CHCHD3: variants seen among roughly 807,000 people sequenced by gnomAD.
CHCHD3 encodes coiled-coil-helix-coiled-coil-helix domain containing 3, also known as MICOS complex subunit MIC19.
A neutral mutation model predicts 38.2 loss-of-function variants in CHCHD3; 20 were observed. The observed-to-expected ratio is 0.52, with a 90% CI of 0.37 to 0.76. The LOEUF is 0.76. Ranked by LOEUF, CHCHD3 falls within the 30% of genes least tolerant of loss-of-function variation. The pLI, the probability that CHCHD3 is intolerant of heterozygous loss-of-function variation, is 0.00. For synonymous variants in CHCHD3, 82 were observed against 100.0 expected (o/e 0.82, Z 1.07); for missense variants, 245 against 279.2 (o/e 0.88, Z 0.87).
intron 7 of CHCHD3, among the ~76,000 whole-genome samples, chr7:132,792,624 C>T (rs1216510550): frequency 7.2e-5 from 11 of 152,130 alleles, no homozygotes; most frequent in African/African-American, 2.2e-4. Context: ...CATCTGAGTG[C>T]GCCTATGAAC....
chr7:133,070,100 A>G, intron 2 of CHCHD3, 42 bp downstream of exon 2: 1 of 1,478,184 alleles, frequency 6.8e-7, no homozygotes, highest in Non-Finnish European at 9.3e-7. Flanking sequence ...TTCCACTTAT[A>G]ATTTATCTCC....
intron 5 of CHCHD3, among the ~76,000 whole-genome samples, chr7:132,865,323 G>C (rs1808591673): frequency 6.6e-6 from 1 of 152,168 alleles, no homozygotes; most frequent in Admixed American, 6.5e-5. Flanking sequence ...TTTAATCATG[G>C]GGAAGAGGTT....
intron 3 of CHCHD3, among the ~76,000 whole-genome samples, chr7:132,984,000 CGG>C (rs1447047001): frequency 5.6e-4 from 84 of 150,402 alleles, no homozygotes; most frequent in African/African-American, 2.1e-3. Context: ...CCTCTCCCCA[CGG>C]TCTCCCTCTC....
chr7:132,874,265 A>G (rs1308437920), intron 5 of CHCHD3, among the ~76,000 whole-genome samples: 1 of 152,184 alleles, frequency 6.6e-6, no homozygotes, highest in East Asian at 1.9e-4. Context: ...ACGTTTTACG[A>G]AGACAAATTA....
chr7:132,973,701 T>C, intron 4 of CHCHD3: 1 of 1,020,482 alleles, frequency 9.8e-7, no homozygotes, highest in Non-Finnish European at 1.2e-6. Flanking sequence ...ATGGACTTCC[T>C]TTCATGTTCT....
At chr7:133,051,742 A>T (rs1219088526) in intron 2 of CHCHD3, among the ~76,000 whole-genome samples, 1 of 152,246 alleles carries the variant, frequency 6.6e-6, no homozygotes, top group African/African-American at 2.4e-5. Flanking sequence ...ATGTTCACAG[A>T]CATATACAAA....
At chr7:133,046,853 G>A (rs904107656) in intron 2 of CHCHD3, among the ~76,000 whole-genome samples, 13 of 152,108 alleles carry the variant, frequency 8.5e-5, no homozygotes, top group Non-Finnish European at 1.5e-4. Context: ...GTGAGCCACC[G>A]CACCCGGCCA....
intron 4 of CHCHD3, among the ~76,000 whole-genome samples, chr7:132,912,699 C>T (rs570848875): frequency 1.8e-4 from 28 of 152,250 alleles, no homozygotes; most frequent in Middle Eastern, 3.4e-3. Context: ...GGACTACAGG[C>T]GTGCGCCACC....
At chr7:132,920,301 G>C (rs370445391) in intron 4 of CHCHD3, among the ~76,000 whole-genome samples, 7 of 152,298 alleles carry the variant, frequency 4.6e-5, no homozygotes, top group Admixed American at 3.9e-4. Context: ...GGCAGGCAAA[G>C]CCTAAAATAT....
chr7:132,810,390 T>G (rs1384443909), intron 6 of CHCHD3, among the ~76,000 whole-genome samples: 3 of 152,218 alleles, frequency 2.0e-5, no homozygotes, highest in Non-Finnish European at 4.4e-5. Flanking sequence ...CTTTTTGTTC[T>G]GATTAAATAT....
intron 4 of CHCHD3, among the ~76,000 whole-genome samples, chr7:132,954,948 T>C (rs1169671225): frequency 6.6e-6 from 1 of 152,108 alleles, no homozygotes; most frequent in Non-Finnish European, 1.5e-5. Flanking sequence ...ATGGAGGCCA[T>C]ACCATGTACC....
At chr7:132,859,553 G>T (rs1808430592) in intron 5 of CHCHD3, among the ~76,000 whole-genome samples, 1 of 152,202 alleles carries the variant, frequency 6.6e-6, no homozygotes, top group South Asian at 2.1e-4. Context: ...ACAAGATCCA[G>T]AATTAAATTT....
chr7:132,838,447 G>T lies in CHCHD3; in HGVS notation c.476C>A (p.Thr159Asn), dbSNP rs766028406. Residue 159 changes from threonine (T) to asparagine (N), a missense_variant, in exon 6 of 8, where the codon ACC (threonine) becomes AAC (asparagine). Physicochemically the swap from Thr to Asn is moderately conservative, Grantham distance 65. Transcript: ENST00000262570. The part of the protein sequence containing the change: ...EERSSEFYRV[T>N]TEQYQKAAEE... ...AGCAGCTTTCTGATATTGTTCAGTG[G>T]TGACTCTGTAGAACTCTGAGCTCTG... 2.5e-6 allele frequency: 4 copies of T among 1,612,652 alleles called. No homozygotes were observed. The highest frequency in any genetic ancestry group is 1.7e-6 in the Non-Finnish European group (2 of 1,179,060).
chr7:132,988,521 T>A (rs1302169564), intron 3 of CHCHD3, among the ~76,000 whole-genome samples: 2 of 152,142 alleles, frequency 1.3e-5, no homozygotes, highest in Non-Finnish European at 2.9e-5. Flanking sequence ...TATTTAGCAA[T>A]ATATATTTTA....
chr7:132,869,748 A>C (rs1403636641), intron 5 of CHCHD3, among the ~76,000 whole-genome samples: 1 of 151,748 alleles, frequency 6.6e-6, no homozygotes, highest in Non-Finnish European at 1.5e-5. Context: ...CATGCTTGGC[A>C]ATTTTTTTTA....
intron 6 of CHCHD3, 52 bp downstream of exon 6, chr7:132,838,347 G>T: frequency 8.2e-7 from 1 of 1,220,064 alleles, no homozygotes; most frequent in Non-Finnish European, 1.2e-6. Flanking sequence ...CTAAAACTGT[G>T]CTTTCATCTT....
chr7:132,836,677 G>C (rs1459771811), intron 6 of CHCHD3, among the ~76,000 whole-genome samples: 1 of 151,792 alleles, frequency 6.6e-6, no homozygotes. Flanking sequence ...GTCTCACTAT[G>C]TTGACCAGGC....
chr7:133,024,536 C>T lies in CHCHD3; in HGVS notation c.251+10G>A, dbSNP rs756325382. 1 of 1,606,326 alleles carries T rather than the reference C, an allele frequency of 6.2e-7. No homozygotes were observed. The highest frequency in any genetic ancestry group is 8.5e-7 in the Non-Finnish European group (1 of 1,173,378). ...CCACCAAAACCTCTCTCTGATACCA[C>T]AAAACTCACCGTTTCTGATCTTCGG... On this transcript the variant is annotated intron_variant, in intron 3 of 7. Transcript: ENST00000262570.
intron 2 of CHCHD3, among the ~76,000 whole-genome samples, chr7:133,057,291 A>G (rs1053515148): frequency 9.2e-5 from 14 of 152,244 alleles, no homozygotes; most frequent in African/African-American, 3.1e-4. Context: ...GCCAGGCTCA[A>G]TGGCTCATGC....
Sources: gnomAD v4.1 joint callset for allele counts (sites outside exome capture counted in the v4.1 genomes callset) on GRCh38, gnomAD v4.1.1 for gene constraint, MANE v1.5 for transcripts, NCBI Gene and HGNC (gene_info 2026-07-23, HGNC 2026-07-21) for gene names.